Variants in CUX2 observed in about 807,000 individuals in gnomAD.
CUX2 encodes the protein homeobox protein cut-like 2.
In CUX2, 40 loss-of-function variants were observed where a neutral mutation model predicts 144.8. The observed-to-expected ratio is 0.28, with a 90% confidence interval of 0.21 to 0.36. The LOEUF is 0.36. CUX2 is among the 10% of genes least tolerant of loss of function. CUX2 has a pLI of 1.00. For synonymous variants in CUX2, 827 were observed against 875.6 expected, an observed-to-expected ratio of 0.94 and a Z score of 0.98; for missense variants, 1,615 against 1,994.0, an observed-to-expected ratio of 0.81 and a Z score of 3.62.
chr12:111,141,715 A>G (rs1876330156), intron 1 of CUX2, among the ~76,000 whole-genome samples: 1 of 152,230 alleles, frequency 6.6e-6, no homozygotes, highest in Admixed American at 6.5e-5. Flanking sequence ...GTGAATGTCA[A>G]GGTCTTAGTT....
intron 1 of CUX2, among the ~76,000 whole-genome samples, chr12:111,144,660 G>GCATC (rs1486150940): frequency 6.6e-6 from 1 of 152,224 alleles, no homozygotes; most frequent in African/African-American, 2.4e-5. Context: ...TGGAGCCCAA[G>GCATC]CATCCAGCTT....
At chr12:111,211,886 CAA>C (rs1169597609) in intron 1 of CUX2, among the ~76,000 whole-genome samples, 13 of 84,620 alleles carry the variant, frequency 1.5e-4, no homozygotes, top group Admixed American at 4.1e-4. Flanking sequence ...GACTCCGTCT[CAA>C]AAAAAAAAAA....
At chr12:111,133,370 T>G (rs1875631148) in intron 1 of CUX2, among the ~76,000 whole-genome samples, 1 of 152,198 alleles carries the variant, frequency 6.6e-6, no homozygotes, top group Admixed American at 6.5e-5. Flanking sequence ...TTCATTGGAC[T>G]TACAGTTCCA....
chr12:111,340,675 AAG>A (rs1438278608), intron 20 of CUX2, among the ~76,000 whole-genome samples: 1 of 152,246 alleles, frequency 6.6e-6, no homozygotes, highest in Non-Finnish European at 1.5e-5. Context: ...AGCCGTGATA[AAG>A]ACATCAATGT....
intron 4 of CUX2, among the ~76,000 whole-genome samples, chr12:111,284,643 A>G (rs1885282738): frequency 6.6e-6 from 1 of 152,332 alleles, no homozygotes; most frequent in Non-Finnish European, 1.5e-5. Flanking sequence ...TGAAATGCTT[A>G]CTTAAGACCG....
At chr12:111,080,729 A>G (rs1056651419) in intron 1 of CUX2, among the ~76,000 whole-genome samples, 2 of 152,150 alleles carry the variant, frequency 1.3e-5, no homozygotes, top group African/African-American at 4.8e-5. Context: ...TTTGCTTACT[A>G]CTGTCTTCCT....
chr12:111,156,537 TCTGCAGTGACA>T (rs1185003975), intron 1 of CUX2, among the ~76,000 whole-genome samples: 1 of 152,136 alleles, frequency 6.6e-6, no homozygotes, highest in Non-Finnish European at 1.5e-5. Flanking sequence ...AGCGTCTTTC[TCTGCAGTGACA>T]GCCTCACTGA....
Position 111,280,019 on chromosome 12 carries a change from C to T in CUX2, c.302-11399C>T, listed in dbSNP as rs189330369. The stretch of plus-strand genomic sequence containing the variant: ...CAAACAAGGACCAGGCGCAGTGGCT[C>T]GTGCCTATAATCCCAGCACTTTGGG... On this transcript the variant is annotated intron_variant, in intron 4 of 21. Transcript: ENST00000261726. Among the ~76,000 whole-genome samples the T allele has an allele frequency of 5.7e-4, 87 of 152,070 alleles. 1 individual carries two copies. The highest frequency in any genetic ancestry group is 5.0e-3 in the Admixed American group (76 of 15,266).
chr12:111,342,956 C>CA (rs11314694), intron 21 of CUX2, among the ~76,000 whole-genome samples: 894 of 67,856 alleles, frequency 0.013, 9 homozygotes, highest in Non-Finnish European at 0.017. Flanking sequence ...GAGACTATCT[C>CA]AAAAAAAAAA....
chr12:111,198,748 A>G (rs1321946697), intron 1 of CUX2, among the ~76,000 whole-genome samples: 1 of 151,656 alleles, frequency 6.6e-6, no homozygotes, highest in African/African-American at 2.4e-5. Flanking sequence ...ACTGGGGGGG[A>G]TGGGGAGGGA....
At chr12:111,219,255 A>G (rs1400513692) in intron 3 of CUX2, among the ~76,000 whole-genome samples, 1 of 152,000 alleles carries the variant, frequency 6.6e-6, no homozygotes, top group African/African-American at 2.4e-5. Flanking sequence ...TGATGTGCTT[A>G]TTTATTTATA....
chr12:111,144,215 G>T (rs930656902), intron 1 of CUX2, among the ~76,000 whole-genome samples: 1 of 152,202 alleles, frequency 6.6e-6, no homozygotes, highest in Non-Finnish European at 1.5e-5. Context: ...GACACAGAAG[G>T]TGCTTAATTA....
chr12:111,156,413 C>G (rs1877377666), intron 1 of CUX2, among the ~76,000 whole-genome samples: 1 of 152,196 alleles, frequency 6.6e-6, no homozygotes, highest in Non-Finnish European at 1.5e-5. Flanking sequence ...AGTGGTTCCT[C>G]CAGGGCTTTC....
At chr12:111,280,613 G>A (rs11611514) in intron 4 of CUX2, among the ~76,000 whole-genome samples, 34,484 of 151,986 alleles carry the variant, frequency 0.23, 4,802 homozygotes, top group East Asian at 0.64. Flanking sequence ...TGTCGGCAGA[G>A]TTAGTTCCTT....
intron 1 of CUX2, among the ~76,000 whole-genome samples, chr12:111,201,360 G>A (rs944129511): frequency 4.6e-5 from 7 of 152,060 alleles, no homozygotes; most frequent in African/African-American, 1.7e-4. Flanking sequence ...GCTCCCAATC[G>A]CTTCTTGCCT....
chr12:111,279,365 C>T (rs978511629), intron 4 of CUX2, among the ~76,000 whole-genome samples: 1 of 152,216 alleles, frequency 6.6e-6, no homozygotes, highest in African/African-American at 2.4e-5. Flanking sequence ...TCCATTGCCA[C>T]ATGTTATGGT....
chr12:111,311,986 G>T, intron 15 of CUX2, 114 bp from the exon 16 acceptor site: 2 of 753,632 alleles, frequency 2.7e-6, no homozygotes, highest in South Asian at 2.0e-5. Context: ...CCATCTCACT[G>T]ATGGTCTGAC....
intron 1 of CUX2, among the ~76,000 whole-genome samples, chr12:111,177,141 C>A (rs73415931): frequency 0.013 from 2,015 of 152,234 alleles, 41 homozygotes; most frequent in African/African-American, 0.045. Flanking sequence ...TATCTCTGTG[C>A]CCTCTGGCAT....
In CUX2 at chr12:111,307,227, C is replaced by T. The variant is rs750080821; in HGVS notation, c.1079C>T (p.Ser360Phe). Residue 360 changes from serine to phenylalanine, a missense_variant, in exon 12 of 22, where the codon TCT becomes TTT. Around this residue, in one of 12 missense-constraint regions of CUX2, gnomAD observed 295 missense variants for 400.2 expected, o/e 0.74. Transcript: ENST00000261726. The surrounding 1 kb of genome is among the most constrained non-coding windows in gnomAD (Gnocchi z 4.1). ...CTGGAAGAGAAGCTCCAGGCCCAGTCTGACTATGAGGAAATTAAAACGGAG... is the reference window on the plus strand; with the variant it reads ...CTGGAAGAGAAGCTCCAGGCCCAGTTTGACTATGAGGAAATTAAAACGGAG... Reference protein sequence around the residue: ...EKLEEKLQAQSDYEEIKTELS... With the variant: ...EKLEEKLQAQFDYEEIKTELS... 6.2e-7 allele frequency: 1 copy of T among 1,614,194 alleles called. No individual in the cohort carries two copies. The highest frequency in any genetic ancestry group is 8.5e-7 in the Non-Finnish European group (1 of 1,180,032).
Sources: gnomAD v4.1 joint callset for allele counts (sites outside exome capture counted in the v4.1 genomes callset) on GRCh38, gnomAD v4.1.1 for gene constraint, gnomAD v4.1.1 regional missense constraint, Gnocchi (gnomAD v3.1) non-coding constraint, MANE v1.5 for transcripts, NCBI Gene and HGNC (gene_info 2026-07-23, HGNC 2026-07-21) for gene names.